The following PLEKHA5 variants were observed in gnomAD, a reference collection of about 807,000 sequenced individuals.
PLEKHA5 encodes the protein pleckstrin homology domain-containing family A member 5.
In PLEKHA5, 55 loss-of-function variants were observed where a neutral mutation model predicts 181.9. That is an observed-to-expected ratio of 0.30 (90% CI 0.24 to 0.38). The LOEUF (loss-of-function observed/expected upper bound fraction) is 0.38, where lower values mean the gene tolerates loss of function less well. Ranked by LOEUF, PLEKHA5 falls within the 10% of genes least tolerant of loss-of-function variation. The pLI is 1.00. For missense variants in PLEKHA5, 1,432 were observed against 1,549.5 expected (o/e 0.92, Z 1.27); for synonymous variants, 535 against 529.4 (o/e 1.01, Z -0.15).
chr12:19,190,241 T>C (rs1432028765), intron 3 of PLEKHA5, among the ~76,000 whole-genome samples: 1 of 152,208 alleles, frequency 6.6e-6, no homozygotes, highest in East Asian at 1.9e-4. Context: ...GAAATACTGG[T>C]TTAAAGCTAG....
intron 15 of PLEKHA5, among the ~76,000 whole-genome samples, chr12:19,304,149 C>T (rs2082432569): frequency 6.9e-6 from 1 of 145,964 alleles, no homozygotes; most frequent in Non-Finnish European, 1.5e-5. Context: ...TGGCCAGGCA[C>T]GGTGGCTCAC....
intron 29 of PLEKHA5, among the ~76,000 whole-genome samples, chr12:19,363,094 T>G (rs1214582397): frequency 6.6e-6 from 1 of 150,746 alleles, no homozygotes; most frequent in Non-Finnish European, 1.5e-5. Flanking sequence ...GTGATTTTCT[T>G]TTTTCTTTTA....
At chr12:19,305,861 CAAAAAAA>C (rs376068601) in intron 15 of PLEKHA5, among the ~76,000 whole-genome samples, 165 of 37,908 alleles carry the variant, frequency 4.4e-3, no homozygotes, top group African/African-American at 0.013. Flanking sequence ...AACTCCATCT[CAAAAAAA>C]AAAAAAAAAA....
intron 3 of PLEKHA5, among the ~76,000 whole-genome samples, chr12:19,170,167 G>C (rs1390022431): frequency 1.3e-5 from 2 of 152,158 alleles, no homozygotes; most frequent in Non-Finnish European, 2.9e-5. Flanking sequence ...CCAGTATCTG[G>C]AAATGCCTCT....
In PLEKHA5 at chr12:19,320,464, G is replaced by A. The variant is rs562116972; in HGVS notation, c.2155-98G>A. ...AATCATTAAAATCTATTTTTGTTAT[G>A]TTATATATATTTAATATAAATCCAA... On this transcript the variant is annotated intron_variant, in intron 17 of 31. Coordinates refer to ENST00000429027, the MANE Select transcript of PLEKHA5 (RefSeq NM_001256470.2). The A allele has an allele frequency of 1.2e-5, 7 of 580,888 alleles. No homozygotes were observed. In the East Asian group the frequency reaches 2.2e-4, roughly 19 times the overall value. The allele number at this position is 580,888 out of a possible 1,614,324, so 36.0% of individuals were successfully genotyped here. A position where few individuals can be genotyped will look rare whatever the true frequency, so the allele number is the denominator to read the frequency against.
At chr12:19,190,382 A>T (rs991907365) in intron 3 of PLEKHA5, among the ~76,000 whole-genome samples, 11 of 152,150 alleles carry the variant, frequency 7.2e-5, no homozygotes, top group Admixed American at 7.2e-4. Context: ...AAAAATACTC[A>T]TTTATTCAGG....
At chr12:19,333,011 C>T (rs961282205) in intron 20 of PLEKHA5, among the ~76,000 whole-genome samples, 14 of 152,138 alleles carry the variant, frequency 9.2e-5, no homozygotes, top group African/African-American at 3.4e-4. Context: ...CTTTAACTTA[C>T]GAGGTTCATC....
At chr12:19,184,143 G>A (rs2049266162) in intron 3 of PLEKHA5, among the ~76,000 whole-genome samples, 1 of 152,110 alleles carries the variant, frequency 6.6e-6, no homozygotes, top group Non-Finnish European at 1.5e-5. Flanking sequence ...TATTTTAAAA[G>A]TAATTTTAAA....
chr12:19,272,165 G>GA (rs902502930), intron 10 of PLEKHA5, among the ~76,000 whole-genome samples: 15 of 150,496 alleles, frequency 1.0e-4, no homozygotes, highest in African/African-American at 2.2e-4. Context: ...ATGGCCCAAA[G>GA]AAAAAAAAAT....
chr12:19,139,504 A>C (rs1397828397), intron 3 of PLEKHA5, among the ~76,000 whole-genome samples: 5 of 152,210 alleles, frequency 3.3e-5, no homozygotes, highest in African/African-American at 7.2e-5. Flanking sequence ...TCATCCATCT[A>C]ATTATTCATT....
chr12:19,360,934 A>G lies in PLEKHA5; in HGVS notation c.3484-648A>G, dbSNP rs915329146. On this transcript the variant is annotated intron_variant, in intron 28 of 31. Transcript: ENST00000429027. ...CCACGCCCAGCTAATTTTTTGTGTT[A>G]TTAGTAGAGACGGAGTTTCACCATG... Among the ~76,000 whole-genome samples the G allele has an allele frequency of 2.0e-5, 3 of 151,750 alleles. No individual in the cohort carries two copies. The South Asian group carries it at 6.3e-4, about 32-fold the overall frequency.
At chr12:19,251,541 T>TA (rs1716825868) in intron 3 of PLEKHA5, among the ~76,000 whole-genome samples, 1 of 152,060 alleles carries the variant, frequency 6.6e-6, no homozygotes. Flanking sequence ...ATTTTGTGTA[T>TA]TCCTACATGG....
chr12:19,224,255 A>C (rs1256406770), intron 3 of PLEKHA5, among the ~76,000 whole-genome samples: 1 of 152,190 alleles, frequency 6.6e-6, no homozygotes, highest in East Asian at 1.9e-4. Flanking sequence ...TTAGGATGAG[A>C]CTAGGTTGCT....
intron 15 of PLEKHA5, among the ~76,000 whole-genome samples, chr12:19,300,276 G>C (rs2081104009): frequency 6.6e-6 from 1 of 152,066 alleles, no homozygotes; most frequent in Admixed American, 6.5e-5. Flanking sequence ...GGATCATTCT[G>C]TTCTTAGAGT....
intron 15 of PLEKHA5, among the ~76,000 whole-genome samples, chr12:19,296,214 C>T (rs1265158260): frequency 2.0e-5 from 3 of 147,470 alleles, no homozygotes; most frequent in South Asian, 2.2e-4. Context: ...CACTACAGCC[C>T]GGGCGACAGA....
At chr12:19,316,611 G>A (rs1023731275) in intron 16 of PLEKHA5, among the ~76,000 whole-genome samples, 7 of 152,154 alleles carry the variant, frequency 4.6e-5, no homozygotes, top group Non-Finnish European at 7.3e-5. Context: ...GCATGGCTGA[G>A]TCACCAGTTA....
chr12:19,241,555 A>G (rs1484968109), intron 3 of PLEKHA5, among the ~76,000 whole-genome samples: 1 of 152,118 alleles, frequency 6.6e-6, no homozygotes, highest in African/African-American at 2.4e-5. Context: ...CTAGGAGTTC[A>G]AGACCAGCCT....
chr12:19,274,466 T>G (rs749123962), intron 10 of PLEKHA5, 50 bp from the exon 11 acceptor site: 2 of 1,256,422 alleles, frequency 1.6e-6, no homozygotes, highest in Non-Finnish European at 2.3e-6. Flanking sequence ...CCAGAAGTAA[T>G]ATGTACATTA....
intron 20 of PLEKHA5, among the ~76,000 whole-genome samples, chr12:19,333,154 G>A (rs11829329): frequency 0.16 from 23,818 of 152,042 alleles, 2,578 homozygotes; most frequent in East Asian, 0.29. Flanking sequence ...ACATGGTGGC[G>A]CATGCCTGTA....
Sources: allele counts gnomAD v4.1 joint callset (sites outside exome capture counted in the v4.1 genomes callset), GRCh38; gene constraint gnomAD v4.1.1; transcripts MANE v1.5; gene names NCBI Gene and HGNC (gene_info 2026-07-23, HGNC 2026-07-21).